CLIP2: variants seen among roughly 807,000 people sequenced by gnomAD.
CLIP2 encodes CAP-Gly domain containing linker protein 2.
A neutral mutation model predicts 111.7 loss-of-function variants in CLIP2; 41 were observed. The ratio of observed to expected loss-of-function variants is 0.37; its 90% confidence interval spans 0.29 to 0.48. The LOEUF is 0.48. Ranked by LOEUF, CLIP2 falls within the 20% of genes least tolerant of loss-of-function variation. CLIP2 has a pLI of 0.99. For missense variants in CLIP2, 1,160 were observed against 1,422.1 expected (o/e 0.82, Z 2.96); for synonymous variants, 660 against 644.2 (o/e 1.02, Z -0.37).
At chr7:74,379,324 G>T (rs538359700) in intron 10 of CLIP2, among the ~76,000 whole-genome samples, 1 of 147,086 alleles carries the variant, frequency 6.8e-6, no homozygotes, top group East Asian at 2.0e-4. Context: ...GGGAGACTCC[G>T]TCTGGAAAAA....
chr7:74,377,067 C>T (rs1004082155), intron 10 of CLIP2, among the ~76,000 whole-genome samples: 17 of 152,138 alleles, frequency 1.1e-4, no homozygotes, highest in African/African-American at 4.1e-4. Flanking sequence ...CTGCATCCCC[C>T]CGCACAGAGC....
Position 74,379,176 on chromosome 7 carries a change from TCTC to T in CLIP2, c.2422-1627_2422-1625del, listed in dbSNP as rs1207203475. Among the ~76,000 whole-genome samples the T allele has an allele frequency of 3.9e-5, 6 of 151,902 alleles. 1 individual carries two copies. The highest frequency in any genetic ancestry group is 1.4e-4 in the African/African-American group (6 of 41,452). ...AGTAGTAGTGGCCCCAGAAAGCCCA[TCTC>T]CTGGCCGGGCGCGGTGGCTCACACC... is the stretch of plus-strand genomic sequence containing the variant. On this transcript the variant is annotated intron_variant, in intron 10 of 16. Coordinates refer to ENST00000223398, the MANE Select transcript of CLIP2 (RefSeq NM_003388.5).
rs781783916 is a variant in CLIP2 at position 74,376,678 on chromosome 7, C to G, written c.2277C>G (p.Ala759=). ...IEFLKEQISL[A]EKKMLDYERL... ...TCCTCAAGGAGCAGATCTCGCTGGCCGAGAAGAAGATGTTGGACTACGAGC... is the reference window on the plus strand; with the variant it reads ...TCCTCAAGGAGCAGATCTCGCTGGCGGAGAAGAAGATGTTGGACTACGAGC... Residue 759 remains alanine (A), a synonymous_variant, in exon 10 of 17, where the codon GCC becomes GCG. Coordinates refer to ENST00000223398, the MANE Select transcript of CLIP2 (RefSeq NM_003388.5). This position sits in a 1 kb window ranked among gnomAD's most constrained non-coding sequence, Gnocchi z 7.1. 1 of 1,613,230 alleles carries G rather than the reference C, an allele frequency of 6.2e-7. No individual in the cohort carries two copies. The highest frequency in any genetic ancestry group is 1.1e-5 in the South Asian group (1 of 90,750).
At chr7:74,393,720 C>A (rs1485059458) in intron 13 of CLIP2, among the ~76,000 whole-genome samples, 1 of 152,220 alleles carries the variant, frequency 6.6e-6, no homozygotes, top group Admixed American at 6.5e-5. Context: ...TACCTCCTTT[C>A]CTTCTATACA....
intron 1 of CLIP2, among the ~76,000 whole-genome samples, chr7:74,298,142 C>T (rs1418362933): frequency 2.6e-5 from 4 of 151,678 alleles, no homozygotes; most frequent in South Asian, 2.1e-4. Flanking sequence ...CCTAGGAGTT[C>T]GAGACCAACC....
At chr7:74,384,736 G>A (rs896223223) in intron 11 of CLIP2, among the ~76,000 whole-genome samples, 14 of 149,594 alleles carry the variant, frequency 9.4e-5, no homozygotes, top group African/African-American at 2.7e-4. Context: ...GTGAGCCACC[G>A]CGCCTGGCCT....
intron 3 of CLIP2, among the ~76,000 whole-genome samples, chr7:74,344,573 TA>T (rs1388024199): frequency 1.4e-4 from 21 of 152,150 alleles, no homozygotes; most frequent in African/African-American, 4.6e-4. Context: ...ATTATTTATT[TA>T]TTTTTTTTGC....
rs545032924 is a variant in CLIP2, at chr7:74,323,319, C to T, written c.121+5652C>T. Among the ~76,000 whole-genome samples the T allele has an allele frequency of 9.2e-5, 14 of 152,008 alleles. No homozygotes were observed. The East Asian group carries it at 2.7e-3, about 29-fold the overall frequency. ...AGAAACGGAGTCTTGCATTTGTTGTCCTCATTGGTCATGAACTCTTGGGCT... is the reference window on the plus strand; with the variant it reads ...AGAAACGGAGTCTTGCATTTGTTGTTCTCATTGGTCATGAACTCTTGGGCT... On this transcript the variant is annotated intron_variant, in intron 2 of 16. Coordinates refer to ENST00000223398, the MANE Select transcript of CLIP2 (RefSeq NM_003388.5).
intron 2 of CLIP2, among the ~76,000 whole-genome samples, chr7:74,328,232 G>A (rs754949982): frequency 6.6e-6 from 1 of 152,272 alleles, no homozygotes; most frequent in Non-Finnish European, 1.5e-5. Context: ...GGGGACTGCC[G>A]GAGGGAAAGT....
chr7:74,346,272 C>T (rs957432230), intron 3 of CLIP2, among the ~76,000 whole-genome samples: 6 of 152,088 alleles, frequency 3.9e-5, no homozygotes, highest in African/African-American at 1.4e-4. Context: ...TGAGCCACCA[C>T]ATGCAGCTAT....
At chr7:74,321,555 C>T (rs1312873038) in intron 2 of CLIP2, among the ~76,000 whole-genome samples, 2 of 151,994 alleles carry the variant, frequency 1.3e-5, no homozygotes, top group Admixed American at 6.6e-5. Context: ...CTGCAACCTC[C>T]ACCTCCCGGG....
At chr7:74,321,899 G>A (rs912191302) in intron 2 of CLIP2, among the ~76,000 whole-genome samples, 36 of 151,746 alleles carry the variant, frequency 2.4e-4, no homozygotes, top group African/African-American at 7.7e-4. Flanking sequence ...GCTTCCAGAC[G>A]TGCAAACTCC....
chr7:74,362,515 TTC>T (rs1368083106), intron 7 of CLIP2, among the ~76,000 whole-genome samples: 12 of 143,160 alleles, frequency 8.4e-5, no homozygotes, highest in Admixed American at 2.3e-4. Flanking sequence ...AGATCTTTTT[TTC>T]TTTTTCTTTT....
chr7:74,373,667 A>G lies in CLIP2; in HGVS notation c.1485+631A>G, dbSNP rs73705361. On this transcript the variant is annotated intron_variant, in intron 9 of 16. Transcript: ENST00000223398. ...CCCCCAGTCTCCCCGATGCATTGCCATGACAAAGTGTTGGAGTTCCTGGGA... is the reference window on the plus strand; with the variant it reads ...CCCCCAGTCTCCCCGATGCATTGCCGTGACAAAGTGTTGGAGTTCCTGGGA... Among the ~76,000 whole-genome samples the G allele has an allele frequency of 3.5e-3, 540 of 152,202 alleles. 6 individuals carry two copies. The highest frequency in any genetic ancestry group is 0.013 in the African/African-American group (530 of 41,528).
chr7:74,364,765 A>G (rs1405779584), intron 8 of CLIP2: 21 of 438,118 alleles, frequency 4.8e-5, no homozygotes, highest in Non-Finnish European at 9.1e-5. Context: ...GCTCACACCT[A>G]TAATCCCAGC....
intron 13 of CLIP2, among the ~76,000 whole-genome samples, chr7:74,394,022 C>T (rs1468325714): frequency 2.0e-5 from 3 of 152,106 alleles, no homozygotes; most frequent in Non-Finnish European, 2.9e-5. Context: ...CTATCTCAGC[C>T]GCAGGATGCC....
rs139932932 is a variant in CLIP2 at position 74,397,112 on chromosome 7, A to G, written c.2759A>G (p.Asn920Ser). 29 of 1,613,728 alleles carry G rather than the reference A, an allele frequency of 1.8e-5. No homozygotes were observed. The highest frequency in any genetic ancestry group is 9.4e-5 in the African/African-American group (7 of 74,846). Reference protein sequence around the residue: ...NELRVLLLEANRHSPGPERDL... With the variant: ...NELRVLLLEASRHSPGPERDL... ...CTGCGGGTGTTGCTGCTGGAGGCCA[A>G]TCGTCACTCCCCAGGGCCGGAGAGG... is the stretch of plus-strand genomic sequence containing the variant. The change falls in exon 14 of 17, where the codon AAT becomes AGT. Residue 920 changes from asparagine (N) to serine (S), a missense_variant. By Grantham distance (46) the Asn-to-Ser change is conservative. This residue lies in a region of CLIP2 where 676 missense variants were observed against 777.8 expected (regional missense o/e 0.87). Transcript: ENST00000223398.
chr7:74,335,355 ATT>A (rs1554731923), intron 2 of CLIP2, among the ~76,000 whole-genome samples: 1 of 120,388 alleles, frequency 8.3e-6, no homozygotes, highest in Non-Finnish European at 1.9e-5. Flanking sequence ...TAATTATTTT[ATT>A]TTGTTATATT....
rs1788814240 is a variant in CLIP2 at position 74,317,481 on chromosome 7, T to C, written c.-66T>C. On this transcript the variant is annotated splice_region_variant and 5_prime_UTR_variant, in exon 2 of 17. It removes the in-frame stop codon of an upstream open reading frame in the 5' UTR. Transcript: ENST00000223398. ...GATCTCTCCTGTCTCTGCCCGCAGG[T>C]GAGTGAAGATGGCAGAGAGGACGTG... 1 of 1,334,184 alleles carries C rather than the reference T, an allele frequency of 7.5e-7. No homozygotes were observed. The highest frequency in any genetic ancestry group is 2.4e-5 in the South Asian group (1 of 42,186). The allele number at this position is 1,334,184 out of a possible 1,614,324, so 82.6% of individuals were successfully genotyped here.
Sources: gnomAD v4.1 joint callset for allele counts (sites outside exome capture counted in the v4.1 genomes callset) on GRCh38, gnomAD v4.1.1 for gene constraint, gnomAD v4.1.1 regional missense constraint, Gnocchi (gnomAD v3.1) non-coding constraint, MANE v1.5 for transcripts, NCBI Gene and HGNC (gene_info 2026-07-23, HGNC 2026-07-21) for gene names.